KANK1: variants seen among roughly 807,000 people sequenced by gnomAD.
The protein encoded by KANK1 is KN motif and ankyrin repeat domain-containing protein 1.
Under a neutral mutation model 106.2 loss-of-function variants are expected in KANK1, and 109 were observed. The observed-to-expected ratio is 1.03, with a 90% CI of 0.88 to 1.20. The LOEUF is 1.20. Ranked by LOEUF, KANK1 falls within the 50% of genes most tolerant of loss-of-function variation. KANK1 has a pLI of 0.00. For synonymous variants in KANK1, 873 were observed against 652.2 expected (o/e 1.34, Z -5.16); for missense variants, 2,399 against 1,710.7 (o/e 1.40, Z -7.10).
At position 608,013 on chromosome 9, in the gene KANK1, ATT is replaced by A. The variant is rs1563851294; in HGVS notation, c.-83-68876_-83-68875del. On this transcript the variant is annotated intron_variant, in intron 1 of 11. Coordinates refer to ENST00000382297, the MANE Select transcript of KANK1 (RefSeq NM_015158.5). ...AAGGAAAGACTAAAAAACTTTCAGA[ATT>A]ATTATTATTATTATTATTATTTTTT... Among the ~76,000 whole-genome samples the A allele has an allele frequency of 1.1e-4, 10 of 93,616 alleles. 1 individual carries two copies. Among genetic ancestry groups the A allele is most frequent in the African/African-American group, 3.7e-4 (10 of 27,158 alleles). 61.4% of individuals were successfully genotyped at this position (93,616 alleles called of 152,430 possible).
intron 1 of KANK1, among the ~76,000 whole-genome samples, chr9:512,439 C>T (rs544164918): frequency 6.6e-6 from 1 of 151,962 alleles, no homozygotes; most frequent in Non-Finnish European, 1.5e-5. Context: ...TTAGTTCATA[C>T]CTTTAGTTGT....
intron 1 of KANK1, among the ~76,000 whole-genome samples, chr9:673,153 C>A (rs1055668188): frequency 6.7e-6 from 1 of 149,600 alleles, no homozygotes; most frequent in East Asian, 2.0e-4. Context: ...TACAACTGTT[C>A]TCTTTGCACA....
intron 1 of KANK1, among the ~76,000 whole-genome samples, chr9:616,240 C>T (rs1317118166): frequency 6.6e-6 from 1 of 152,138 alleles, no homozygotes; most frequent in Non-Finnish European, 1.5e-5. Flanking sequence ...CATGACATAA[C>T]CGTGAGGACT....
In KANK1 at chr9:674,294, T is replaced by C; in HGVS notation, c.-83-2596T>C. On this transcript the variant is annotated intron_variant, in intron 1 of 11. Coordinates refer to ENST00000382297, the MANE Select transcript of KANK1 (RefSeq NM_015158.5). ...CTAAGGATCAGCAGGGAGTGGATGG[T>C]TTAGAATCTCCTCTCTCCAGGTGAA... The C allele has an allele frequency of 1.3e-5, 2 of 151,674 alleles. 1 individual carries two copies. The highest frequency in any genetic ancestry group is 3.9e-4 in the East Asian group (2 of 5,152). The allele number at this position is 151,674 out of a possible 1,614,324, so 9.4% of individuals were successfully genotyped here.
At chr9:561,326 C>CATGTATATCTT (rs1164241572) in intron 1 of KANK1, among the ~76,000 whole-genome samples, 6 of 152,134 alleles carry the variant, frequency 3.9e-5, no homozygotes, top group African/African-American at 1.4e-4. Flanking sequence ...CTTGATAGAG[C>CATGTATATCTT]ATGTATATCT....
chr9:744,663 T>G, intron 11 of KANK1, 74 bp downstream of exon 11: 1 of 1,612,676 alleles, frequency 6.2e-7, no homozygotes, highest in Non-Finnish European at 8.5e-7. Flanking sequence ...CCTCCAGGAA[T>G]TGACGGGAGA....
chr9:565,316 C>G (rs1332165604), intron 1 of KANK1, among the ~76,000 whole-genome samples: 1 of 152,118 alleles, frequency 6.6e-6, no homozygotes, highest in African/African-American at 2.4e-5. Context: ...GAAAGTCAAC[C>G]CTAAAGAATG....
At chr9:547,667 A>G (rs2061014710) in intron 1 of KANK1, among the ~76,000 whole-genome samples, 1 of 147,378 alleles carries the variant, frequency 6.8e-6, no homozygotes, top group African/African-American at 2.4e-5. Flanking sequence ...GGTTTCAAAG[A>G]TAGGGCTAGT....
chr9:670,218 G>T (rs770447813), intron 1 of KANK1, among the ~76,000 whole-genome samples: 1 of 152,076 alleles, frequency 6.6e-6, no homozygotes, highest in Non-Finnish European at 1.5e-5. Flanking sequence ...TCTCATTAGG[G>T]TCAGTCACTG....
chr9:687,389 C>T (rs984048113), intron 2 of KANK1, among the ~76,000 whole-genome samples: 1 of 152,194 alleles, frequency 6.6e-6, no homozygotes, highest in African/African-American at 2.4e-5. Flanking sequence ...TAATCTCTAA[C>T]TATTATTCCC....
intron 2 of KANK1, chr9:693,858 A>C: frequency 1.0e-6 from 1 of 956,086 alleles, no homozygotes; most frequent in Non-Finnish European, 1.2e-6. Flanking sequence ...GTGAAATATA[A>C]ACTCGAGCTC....
At chr9:662,680 G>C (rs866233884) in intron 1 of KANK1, among the ~76,000 whole-genome samples, 1 of 44,750 alleles carries the variant, frequency 2.2e-5, no homozygotes, top group South Asian at 8.5e-4. Flanking sequence ...TTTTTTTTTT[G>C]AGACAGGGTC....
chr9:556,843 C>G (rs2061619786), intron 1 of KANK1, among the ~76,000 whole-genome samples: 3 of 152,174 alleles, frequency 2.0e-5, no homozygotes, highest in African/African-American at 7.2e-5. Flanking sequence ...TCACTTAGGG[C>G]TCATTCCTCC....
At chr9:529,586 G>A (rs983622157) in intron 1 of KANK1, among the ~76,000 whole-genome samples, 10 of 152,106 alleles carry the variant, frequency 6.6e-5, no homozygotes, top group Admixed American at 5.2e-4. Flanking sequence ...ATATTGTTAT[G>A]CATCTTTTTT....
At chr9:512,508 T>G (rs2059079082) in intron 1 of KANK1, among the ~76,000 whole-genome samples, 1 of 152,128 alleles carries the variant, frequency 6.6e-6, no homozygotes, top group African/African-American at 2.4e-5. Context: ...GTTACCTGAT[T>G]TAAATGTGAA....
chr9:508,121 CTTTTTTTTTTTTTTTTT>C lies in KANK1; in HGVS notation c.-84+3385_-84+3401del, dbSNP rs71314711. On this transcript the variant is annotated intron_variant, in intron 1 of 11. Transcript: ENST00000382297. ...ACAGGTGTGAGACACCCTGCTCAGCCTTTTTTTTTTTTTTTTTTTTTTTTTTTTTTTTTTGAGATGGA... is the reference window on the plus strand; with the variant it reads ...ACAGGTGTGAGACACCCTGCTCAGCCTTTTTTTTTTTTTTTTTGAGATGGA... Among the ~76,000 whole-genome samples the C allele has an allele frequency of 2.3e-4, 9 of 39,186 alleles. No individual in the cohort carries two copies. In the East Asian group the frequency reaches 2.6e-3, roughly 11 times the overall value. 25.7% of individuals were successfully genotyped at this position (39,186 alleles called of 152,430 possible).
At position 593,335 on chromosome 9, in the gene KANK1, A is replaced by G. The variant is rs887882131; in HGVS notation, c.-83-83555A>G. Among the ~76,000 whole-genome samples, 2 of 151,860 alleles carry G rather than the reference A, an allele frequency of 1.3e-5. 1 individual carries two copies. The highest frequency in any genetic ancestry group is 4.9e-5 in the African/African-American group (2 of 41,126). On this transcript the variant is annotated intron_variant, in intron 1 of 11. Transcript: ENST00000382297. Reference sequence around the variant, plus strand: ...CAAACAATAAAACATACAGACAAAAAAAGGATTCTTGTATCCCACTTTTTG... The same window carrying G: ...CAAACAATAAAACATACAGACAAAAGAAGGATTCTTGTATCCCACTTTTTG...
chr9:675,516 T>C (rs945928490), intron 1 of KANK1, among the ~76,000 whole-genome samples: 1 of 152,208 alleles, frequency 6.6e-6, no homozygotes, highest in African/African-American at 2.4e-5. Flanking sequence ...GTATTTTTTT[T>C]TCTTTTTTTG....
chr9:730,115 G>A lies in KANK1; in HGVS notation c.2763G>A (p.Gln921=), dbSNP rs747616826. 1.2e-6 allele frequency: 2 copies of A among 1,614,184 alleles called. No individual in the cohort carries two copies. The highest frequency in any genetic ancestry group is 1.7e-6 in the Non-Finnish European group (2 of 1,180,036). The change falls in exon 4 of 12, where the codon CAG becomes CAA. Residue 921 remains glutamine, a synonymous_variant. Transcript: ENST00000382297. ...GLQSGSPLSS[Q]TSQPEQEVGT... ...AGTCAGGAAGTCCCTTAAGCTCCCA[G>A]ACATCCCAGCCTGAGCAAGAAGTGG...
Sources: allele counts gnomAD v4.1 joint callset (sites outside exome capture counted in the v4.1 genomes callset), GRCh38; gene constraint gnomAD v4.1.1; transcripts MANE v1.5; gene names NCBI Gene and HGNC (gene_info 2026-07-23, HGNC 2026-07-21).